LRRC4C: variants seen among roughly 807,000 people sequenced by gnomAD.
The protein encoded by LRRC4C is leucine-rich repeat-containing protein 4C.
LRRC4C carries 5 observed loss-of-function variants against 33.6 expected under a neutral mutation model. The ratio of observed to expected loss-of-function variants is 0.15; its 90% CI spans 0.08 to 0.31. The LOEUF (loss-of-function observed/expected upper bound fraction) is 0.31. Ranked by LOEUF, LRRC4C falls within the 10% of genes least tolerant of loss-of-function variation. LRRC4C has a pLI of 1.00. For missense variants in LRRC4C, 560 were observed against 796.7 expected, an observed-to-expected ratio of 0.70 and a Z score of 3.58; for synonymous variants, 329 against 302.0, an observed-to-expected ratio of 1.09 and a Z score of -0.93.
At chr11:40,929,624 AT>A (rs540676103) in intron 2 of LRRC4C, among the ~76,000 whole-genome samples, 1 of 151,672 alleles carries the variant, frequency 6.6e-6, no homozygotes, top group Non-Finnish European at 1.5e-5. Flanking sequence ...ATTTTATTTT[AT>A]TTTTTTTGAG....
intron 1 of LRRC4C, among the ~76,000 whole-genome samples, chr11:41,452,726 A>G (rs1956065947): frequency 6.6e-6 from 1 of 152,000 alleles, no homozygotes; most frequent in Non-Finnish European, 1.5e-5. Flanking sequence ...ACTGACATCA[A>G]TATGTTGAAA....
chr11:40,903,164 C>T (rs190909711), intron 2 of LRRC4C, among the ~76,000 whole-genome samples: 129 of 152,216 alleles, frequency 8.5e-4, no homozygotes, highest in African/African-American at 3.1e-3. Context: ...GCCCATTTAC[C>T]ATTCTAAAAA....
chr11:41,395,588 C>G (rs889455417), intron 1 of LRRC4C, among the ~76,000 whole-genome samples: 1 of 151,864 alleles, frequency 6.6e-6, no homozygotes, highest in East Asian at 1.9e-4. Flanking sequence ...AAATATAGGC[C>G]TTAAAAATAT....
chr11:40,264,396 G>A (rs1472965111), intron 4 of LRRC4C, among the ~76,000 whole-genome samples: 1 of 151,982 alleles, frequency 6.6e-6, no homozygotes, highest in Non-Finnish European at 1.5e-5. Context: ...AATATATTAC[G>A]TTTGAAGTTT....
intron 1 of LRRC4C, among the ~76,000 whole-genome samples, chr11:41,127,923 A>G (rs545826934): frequency 1.6e-3 from 239 of 152,184 alleles, no homozygotes; most frequent in African/African-American, 5.5e-3. Context: ...GGCACTACCT[A>G]ACCTATCCTG....
chr11:41,079,582 T>C (rs1173253566), intron 1 of LRRC4C, among the ~76,000 whole-genome samples: 1 of 152,118 alleles, frequency 6.6e-6, no homozygotes, highest in Non-Finnish European at 1.5e-5. Context: ...AAAGACACTA[T>C]GTCCCTATCA....
intron 2 of LRRC4C, among the ~76,000 whole-genome samples, chr11:40,786,168 T>C (rs1398268001): frequency 6.6e-6 from 1 of 152,198 alleles, no homozygotes; most frequent in Admixed American, 6.5e-5. Flanking sequence ...TAAGTTGAAT[T>C]ATTGGTCCAA....
chr11:41,349,819 G>A (rs1246331372), intron 1 of LRRC4C, among the ~76,000 whole-genome samples: 1 of 151,914 alleles, frequency 6.6e-6, no homozygotes, highest in Non-Finnish European at 1.5e-5. Flanking sequence ...TTTTTTCTTT[G>A]AAATATTTAA....
chr11:40,558,813 G>A (rs1169621012), intron 3 of LRRC4C, among the ~76,000 whole-genome samples: 6 of 152,058 alleles, frequency 3.9e-5, no homozygotes, highest in African/African-American at 1.4e-4. Context: ...CAGGTATTAA[G>A]CCCAGTACCC....
chr11:40,263,446 C>T (rs1942014567), intron 4 of LRRC4C, among the ~76,000 whole-genome samples: 1 of 152,244 alleles, frequency 6.6e-6, no homozygotes, highest in Non-Finnish European at 1.5e-5. Flanking sequence ...TGGCTCAAAT[C>T]CAGGGGTCAT....
At chr11:40,888,635 T>C (rs1955567108) in intron 2 of LRRC4C, among the ~76,000 whole-genome samples, 1 of 152,026 alleles carries the variant, frequency 6.6e-6, no homozygotes, top group Admixed American at 6.6e-5. Flanking sequence ...GGAACTTTTT[T>C]ATTTCATGGT....
intron 3 of LRRC4C, among the ~76,000 whole-genome samples, chr11:40,382,982 C>A (rs1948951605): frequency 6.6e-6 from 1 of 152,176 alleles, no homozygotes; most frequent in African/African-American, 2.4e-5. Flanking sequence ...CGTGAGCCAC[C>A]GCTCCCGGCC....
intron 2 of LRRC4C, among the ~76,000 whole-genome samples, chr11:40,769,440 A>G (rs551695378): frequency 6.6e-6 from 1 of 152,266 alleles, no homozygotes; most frequent in Admixed American, 6.5e-5. Flanking sequence ...ATCTCTACCA[A>G]AACACCAATG....
chr11:40,223,788 T>C (rs4592414), intron 5 of LRRC4C, among the ~76,000 whole-genome samples: 90,400 of 152,048 alleles, frequency 0.59, 29,412 homozygotes, highest in East Asian at 0.78. Flanking sequence ...AATTAATTCT[T>C]TGCCTCCTTT....
At chr11:40,637,804 T>C (rs566963595) in intron 3 of LRRC4C, among the ~76,000 whole-genome samples, 156 of 152,156 alleles carry the variant, frequency 1.0e-3, no homozygotes, top group Non-Finnish European at 2.1e-3. Flanking sequence ...TCCCTTCCAC[T>C]CTCATCTCCC....
intron 1 of LRRC4C, among the ~76,000 whole-genome samples, chr11:41,363,290 T>C (rs1209715572): frequency 3.3e-5 from 5 of 152,144 alleles, no homozygotes; most frequent in Non-Finnish European, 5.9e-5. Context: ...CCACAACAAG[T>C]ACAGAAAAAC....
chr11:41,048,112 T>G (rs1328524686), intron 1 of LRRC4C, among the ~76,000 whole-genome samples: 1 of 152,154 alleles, frequency 6.6e-6, no homozygotes, highest in Non-Finnish European at 1.5e-5. Context: ...CTTTTCTTTT[T>G]AAGAGGTAGT....
chr11:41,082,250 G>A (rs1939631584), intron 1 of LRRC4C, among the ~76,000 whole-genome samples: 1 of 152,164 alleles, frequency 6.6e-6, no homozygotes, highest in Non-Finnish European at 1.5e-5. Context: ...CGATATACGT[G>A]AATGTTGACT....
At chr11:40,733,471 T>A (rs1325302863) in intron 2 of LRRC4C, among the ~76,000 whole-genome samples, 1 of 152,218 alleles carries the variant, frequency 6.6e-6, no homozygotes, top group Non-Finnish European at 1.5e-5. Flanking sequence ...AATTTTGTTA[T>A]GTTAAAAATT....
Sources: gnomAD v4.1 joint callset for allele counts (sites outside exome capture counted in the v4.1 genomes callset) on GRCh38, gnomAD v4.1.1 for gene constraint, MANE v1.5 for transcripts, NCBI Gene and HGNC (gene_info 2026-07-23, HGNC 2026-07-21) for gene names.